The following SLC39A3 variants were observed in gnomAD, a reference collection of about 807,000 sequenced individuals.
The protein encoded by SLC39A3 is solute carrier family 39 member 3, also known as zinc transporter ZIP3.
SLC39A3 carries 3 observed loss-of-function variants against 5.1 expected under a neutral mutation model. The ratio of observed to expected loss-of-function variants is 0.59; its 90% CI spans 0.27 to 1.54. SLC39A3 has a LOEUF of 1.54. Ranked by LOEUF, SLC39A3 falls within the 40% of genes most tolerant of loss-of-function variation. The pLI is 0.12. For missense variants in SLC39A3, 412 were observed against 436.4 expected, an observed-to-expected ratio of 0.94 and a Z score of 0.50; for synonymous variants, 250 against 218.8, an observed-to-expected ratio of 1.14 and a Z score of -1.26.
chr19:2,737,643 G>GT (rs1914416173), intron 1 of SLC39A3: 1 of 207,044 alleles, frequency 4.8e-6, no homozygotes, highest in South Asian at 6.7e-5. Context: ...TCCTGACCTC[G>GT]TGATCCGCCT....
chr19:2,735,260 C>T lies in SLC39A3; in HGVS notation c.211-1775G>A, dbSNP rs1190004181. 7 of 977,530 alleles carry T rather than the reference C, an allele frequency of 7.2e-6. No homozygotes were observed. Among genetic ancestry groups the T allele is most frequent in the African/African-American group, 3.5e-5 (2 of 57,090 alleles). 60.6% of individuals were successfully genotyped at this position (977,530 alleles called of 1,614,324 possible). A position where few individuals can be genotyped will look rare whatever the true frequency, so the allele number is the denominator to read the frequency against. Reference sequence around the variant, plus strand: ...ATGTCAGTCTTCACACACCGCGTAACGAACGAATGCAGACTCAGCCACGCG... The same window carrying T: ...ATGTCAGTCTTCACACACCGCGTAATGAACGAATGCAGACTCAGCCACGCG... On this transcript the variant is annotated intron_variant, in intron 2 of 2. Coordinates refer to ENST00000269740, the MANE Select transcript of SLC39A3 (RefSeq NM_144564.5). The surrounding 1 kb of genome is among the most constrained non-coding windows in gnomAD (Gnocchi z 5.7).
rs1914273399 is a variant in SLC39A3, at chr19:2,733,849, G to A, written c.211-364C>T. ...CCAGCTACTCAGGAGGCTGAGGCAG[G>A]AGAATGGCTTGAACCCAGGAGGCAG... On this transcript the variant is annotated intron_variant, in intron 2 of 2. Transcript: ENST00000269740. The surrounding 1 kb of genome is among the most constrained non-coding windows in gnomAD (Gnocchi z 6.1). Among the ~76,000 whole-genome samples, 2 of 152,206 alleles carry A rather than the reference G, an allele frequency of 1.3e-5. No individual in the cohort carries two copies. The highest frequency in any genetic ancestry group is 1.5e-5 in the Non-Finnish European group (1 of 68,038).
Position 2,735,318 on chromosome 19 carries a change from C to T in SLC39A3, c.210+1730G>A, listed in dbSNP as rs1047820700. Reference sequence around the variant, plus strand: ...AGGAATGCGGTGTCTCGGCTCTGAACGGTGGAAATCCAGGTGCGGGCTAGC... The same window carrying T: ...AGGAATGCGGTGTCTCGGCTCTGAATGGTGGAAATCCAGGTGCGGGCTAGC... On this transcript the variant is annotated intron_variant, in intron 2 of 2. Transcript: ENST00000269740. The surrounding 1 kb of genome is among the most constrained non-coding windows in gnomAD (Gnocchi z 5.7). 3.2e-5 allele frequency: 21 copies of T among 663,364 alleles called. No individual in the cohort carries two copies. The highest frequency in any genetic ancestry group is 2.7e-4 in the African/African-American group (14 of 51,172). The allele number at this position is 663,364 out of a possible 1,614,324, so 41.1% of individuals were successfully genotyped here.
Position 2,735,856 on chromosome 19 carries a change from C to T in SLC39A3, c.210+1192G>A, listed in dbSNP as rs1263408732. The T allele has an allele frequency of 1.7e-5, 17 of 985,424 alleles. No individual in the cohort carries two copies. Among genetic ancestry groups the T allele is most frequent in the Non-Finnish European group, 1.9e-5 (16 of 830,046 alleles). 61.0% of individuals were successfully genotyped at this position (985,424 alleles called of 1,614,324 possible). On this transcript the variant is annotated intron_variant, in intron 2 of 2. Coordinates refer to ENST00000269740, the MANE Select transcript of SLC39A3 (RefSeq NM_144564.5). This position sits in a 1 kb window ranked among gnomAD's most constrained non-coding sequence, Gnocchi z 5.7. ...CACTAACAGGCTCAGATGATTTAAT[C>T]CCAGACAACAGCCCTTCTCCTCCTT...
At chr19:2,738,454 C>T (rs537673043) in intron 1 of SLC39A3, among the ~76,000 whole-genome samples, 3 of 152,236 alleles carry the variant, frequency 2.0e-5, no homozygotes, top group East Asian at 1.9e-4. Flanking sequence ...GCTCCTGCCT[C>T]GCCTCGGCCC....
intron 2 of SLC39A3, chr19:2,736,719 T>C: frequency 2.1e-6 from 3 of 1,413,780 alleles, no homozygotes; most frequent in Non-Finnish European, 2.8e-6. Flanking sequence ...AGTAGCTGAC[T>C]GATATAGGAA....
Position 2,732,683 on chromosome 19 carries a change from G to C in SLC39A3, c.*68C>G, listed in dbSNP as rs1914231356. 1 of 1,464,070 alleles carries C rather than the reference G, an allele frequency of 6.8e-7. No homozygotes were observed. The highest frequency in any genetic ancestry group is 1.5e-5 in the South Asian group (1 of 68,942). The allele number at this position is 1,464,070 out of a possible 1,614,324, so 90.7% of individuals were successfully genotyped here. ...TCGCTCTTGGGGGACGCGCGGCCGGGGGACGCGGCCTGTGTCCGGCCCGGG... is the reference window on the plus strand; with the variant it reads ...TCGCTCTTGGGGGACGCGCGGCCGGCGGACGCGGCCTGTGTCCGGCCCGGG... On this transcript the variant is annotated 3_prime_UTR_variant, in exon 3 of 3. Coordinates refer to ENST00000269740, the MANE Select transcript of SLC39A3 (RefSeq NM_144564.5).
rs571363464 is a variant in SLC39A3 at position 2,732,784 on chromosome 19, G to T, written c.912C>A (p.Thr304=). 6.2e-7 allele frequency: 1 copy of T among 1,600,166 alleles called. No homozygotes were observed. Among genetic ancestry groups the T allele is most frequent in the Admixed American group, 1.7e-5 (1 of 58,422 alleles). ...TGAGGAAGACCATCCCGGCCAGGAC[G>T]GTGTAGCCCAGCACCAGGAAGAGGA... ...LKVLFLVLGY[T]VLAGMVFLKW is the part of the protein sequence containing the mutation. The change falls in exon 3 of 3, where the codon ACC becomes ACA. Residue 304 remains threonine (T), a synonymous_variant. Transcript: ENST00000269740.
chr19:2,733,579 C>A lies in SLC39A3; in HGVS notation c.211-94G>T. On this transcript the variant is annotated intron_variant, in intron 2 of 2. Transcript: ENST00000269740. This position sits in a 1 kb window ranked among gnomAD's most constrained non-coding sequence, Gnocchi z 6.1. Reference sequence around the variant, plus strand: ...AGATGTCACCGTTCAAAGCAAAGTCCAGAAATCCCCGATTCACACAGAGGT... The same window carrying A: ...AGATGTCACCGTTCAAAGCAAAGTCAAGAAATCCCCGATTCACACAGAGGT... The A allele has an allele frequency of 1.4e-6, 2 of 1,461,646 alleles. No individual in the cohort carries two copies. Among genetic ancestry groups the A allele is most frequent in the South Asian group, 2.7e-5 (2 of 72,978 alleles). The allele number at this position is 1,461,646 out of a possible 1,614,324, so 90.5% of individuals were successfully genotyped here. A position where few individuals can be genotyped will look rare whatever the true frequency, so the allele number is the denominator to read the frequency against.
At position 2,733,271 on chromosome 19, in the gene SLC39A3, C is replaced by T. The variant is rs142446610; in HGVS notation, c.425G>A (p.Arg142Gln). The change falls in exon 3 of 3, where the codon CGG becomes CAG. Residue 142 changes from arginine to glutamine, a missense_variant. Transcript: ENST00000269740. This position sits in a 1 kb window ranked among gnomAD's most constrained non-coding sequence, Gnocchi z 6.1. Reference protein sequence around the residue: ...EYESPFMGGARGHALYVEPHG... With the variant: ...EYESPFMGGAQGHALYVEPHG... Reference sequence around the variant, plus strand: ...GGGCTCCACGTACAGCGCGTGGCCCCGCGCGCCCCCCATGAAGGGGCTCTC... The same window carrying T: ...GGGCTCCACGTACAGCGCGTGGCCCTGCGCGCCCCCCATGAAGGGGCTCTC... The T allele has an allele frequency of 3.5e-5, 57 of 1,612,400 alleles. No homozygotes were observed. The highest frequency in any genetic ancestry group is 8.3e-5 in the Admixed American group (5 of 59,994).
Position 2,733,092 on chromosome 19 carries a change from C to G in SLC39A3, c.604G>C (p.Val202Leu), listed in dbSNP as rs143540643. 6.2e-7 allele frequency: 1 copy of G among 1,610,986 alleles called. No individual in the cohort carries two copies. Among genetic ancestry groups the G allele is most frequent in the Non-Finnish European group, 8.5e-7 (1 of 1,179,128 alleles). Residue 202 changes from valine (V) to leucine (L), a missense_variant, in exon 3 of 3, where the codon GTG becomes CTG. Physicochemically the swap from Val to Leu is conservative, Grantham distance 32. Coordinates refer to ENST00000269740, the MANE Select transcript of SLC39A3 (RefSeq NM_144564.5). This position sits in a 1 kb window ranked among gnomAD's most constrained non-coding sequence, Gnocchi z 6.1. ...AGTGTCTCGTGGACGGCCACCCCCACGAACAGGCTCACCACTTTCTCCCCC... is the reference window on the plus strand; with the variant it reads ...AGTGTCTCGTGGACGGCCACCCCCAGGAACAGGCTCACCACTTTCTCCCCC... ...EEGEKVVSLF[V>L]GVAVHETLVA...
Position 2,734,457 on chromosome 19 carries a change from TGCACACACAAGCACGC to T in SLC39A3, c.211-988_211-973del, listed in dbSNP as rs1914296372. On this transcript the variant is annotated intron_variant, in intron 2 of 2. Coordinates refer to ENST00000269740, the MANE Select transcript of SLC39A3 (RefSeq NM_144564.5). This position sits in a 1 kb window ranked among gnomAD's most constrained non-coding sequence, Gnocchi z 4.6. ...ACGCACACACACGCGCACACGCAGG[TGCACACACAAGCACGC>T]GCACACAGTGGTTCTCAACCAGGGC... 6.6e-6 allele frequency: 1 copy of T among 152,210 alleles called. No homozygotes were observed. Among genetic ancestry groups the T allele is most frequent in the African/African-American group, 2.4e-5 (1 of 41,356 alleles). 9.4% of individuals were successfully genotyped at this position (152,210 alleles called of 1,614,324 possible). A position where few individuals can be genotyped will look rare whatever the true frequency, so the allele number is the denominator to read the frequency against.
rs558178523 is a variant in SLC39A3, at chr19:2,735,226, G to A, written c.211-1741C>T. The A allele has an allele frequency of 3.5e-3, 3,460 of 985,316 alleles. 12 individuals carry two copies. The highest frequency in any genetic ancestry group is 4.0e-3 in the Non-Finnish European group (3,287 of 829,814). 61.0% of individuals were successfully genotyped at this position (985,316 alleles called of 1,614,324 possible). On this transcript the variant is annotated intron_variant, in intron 2 of 2. Coordinates refer to ENST00000269740, the MANE Select transcript of SLC39A3 (RefSeq NM_144564.5). The surrounding 1 kb of genome is among the most constrained non-coding windows in gnomAD (Gnocchi z 5.7). ...AGAGATGACCAAGATCTCCATCCTC[G>A]CAGTGCAGATGTCAGTCTTCACACA...
intron 1 of SLC39A3, among the ~76,000 whole-genome samples, chr19:2,738,212 A>AG (rs1230853382): frequency 6.6e-6 from 1 of 151,720 alleles, no homozygotes; most frequent in East Asian, 1.9e-4. Context: ...AAAAAAAAAA[A>AG]AAAAAAAACT....
chr19:2,734,626 G>A lies in SLC39A3; in HGVS notation c.211-1141C>T, dbSNP rs1035293445. 5.4e-6 allele frequency: 3 copies of A among 555,506 alleles called. No homozygotes were observed. The highest frequency in any genetic ancestry group is 2.0e-5 in the African/African-American group (1 of 48,864). The allele number at this position is 555,506 out of a possible 1,614,324, so 34.4% of individuals were successfully genotyped here. A position where few individuals can be genotyped will look rare whatever the true frequency, so the allele number is the denominator to read the frequency against. On this transcript the variant is annotated intron_variant, in intron 2 of 2. Transcript: ENST00000269740. The surrounding 1 kb of genome is among the most constrained non-coding windows in gnomAD (Gnocchi z 4.6). ...GGACGGGGCCGTCCTGGGCACTGCA[G>A]GGTGCTGCTGAGCAGTGTCTCTGGC... is the stretch of plus-strand genomic sequence containing the variant.
chr19:2,737,230 G>A lies in SLC39A3; in HGVS notation c.28C>T (p.Leu10=). 2 of 1,614,002 alleles carry A rather than the reference G, an allele frequency of 1.2e-6. No individual in the cohort carries two copies. The highest frequency in any genetic ancestry group is 1.7e-6 in the Non-Finnish European group (2 of 1,179,956). MVKLLVAKI[L]CMVGVFFFML... ...AAGAAGAACACGCCCACCATGCACA[G>A]GATTTTGGCCACTAGCAATTTCACC... The change falls in exon 2 of 3, where the codon CTG becomes TTG. Residue 10 remains leucine (L), a synonymous_variant. Transcript: ENST00000269740.
In SLC39A3 at chr19:2,734,169, G is replaced by A. The variant is rs1056599202; in HGVS notation, c.211-684C>T. Among the ~76,000 whole-genome samples, 7 of 152,350 alleles carry A rather than the reference G, an allele frequency of 4.6e-5. No individual in the cohort carries two copies. The highest frequency in any genetic ancestry group is 6.5e-5 in the Admixed American group (1 of 15,306). On this transcript the variant is annotated intron_variant, in intron 2 of 2. Transcript: ENST00000269740. This position sits in a 1 kb window ranked among gnomAD's most constrained non-coding sequence, Gnocchi z 4.6. ...GGACAGCTGCTCACGGGGCGGACAC[G>A]CAGGCATTAGGCTATGCGCCAGGAT...
intron 1 of SLC39A3, among the ~76,000 whole-genome samples, chr19:2,738,583 T>C (rs1464172707): frequency 2.0e-5 from 3 of 152,128 alleles, no homozygotes; most frequent in Non-Finnish European, 4.4e-5. Flanking sequence ...CTCCTTCTTC[T>C]TTCTTGCTTC....
rs1252404846 is a variant in SLC39A3, at chr19:2,732,991, G to C, written c.705C>G (p.Thr235=). The C allele has an allele frequency of 6.3e-7, 1 of 1,598,240 alleles. No individual in the cohort carries two copies. Among genetic ancestry groups the C allele is most frequent in the Non-Finnish European group, 8.5e-7 (1 of 1,171,086 alleles). Reference sequence around the variant, plus strand: ...TGCCCAGGGGGATCATGGCGCTTACGGTGACCGCCAGCTTGGCCGCGTCCC... The same window carrying C: ...TGCCCAGGGGGATCATGGCGCTTACCGTGACCGCCAGCTTGGCCGCGTCCC... ...PLRDAAKLAV[T]VSAMIPLGIG... The change falls in exon 3 of 3, where the codon ACC becomes ACG. Residue 235 remains threonine (T), a synonymous_variant. Coordinates refer to ENST00000269740, the MANE Select transcript of SLC39A3 (RefSeq NM_144564.5).
Sources: allele counts gnomAD v4.1 joint callset (sites outside exome capture counted in the v4.1 genomes callset), GRCh38; gene constraint gnomAD v4.1.1; non-coding constraint Gnocchi (gnomAD v3.1); transcripts MANE v1.5; gene names NCBI Gene and HGNC (gene_info 2026-07-23, HGNC 2026-07-21).